The following PFKFB3 variants were observed in gnomAD, a reference collection of about 807,000 sequenced individuals.
PFKFB3 encodes the protein 6-phosphofructo-2-kinase/fructose-2,6-biphosphatase 3.
Under a neutral mutation model 68.0 loss-of-function variants are expected in PFKFB3, and 33 were observed. That is an observed-to-expected ratio of 0.49 (90% CI 0.37 to 0.65). PFKFB3 has a LOEUF of 0.65. Ranked by LOEUF, PFKFB3 falls within the 30% of genes least tolerant of loss-of-function variation. The pLI is 0.00. For missense variants in PFKFB3, 586 were observed against 712.2 expected (o/e 0.82, Z 2.02); for synonymous variants, 315 against 288.2 (o/e 1.09, Z -0.94).
chr10:6,223,008 C>T lies in PFKFB3; in HGVS notation c.1213+24C>T, dbSNP rs375450525. 584 of 1,605,570 alleles carry T rather than the reference C, an allele frequency of 3.6e-4. 2 individuals are homozygous for T. Among genetic ancestry groups the T allele is most frequent in the Non-Finnish European group, 3.4e-4 (399 of 1,175,052 alleles). On this transcript the variant is annotated intron_variant, in intron 11 of 14. Coordinates refer to ENST00000379775, the MANE Select transcript of PFKFB3 (RefSeq NM_004566.4). ...AGGTACCTCGGGCAGGTCGTGGCCC[C>T]GGGATGGAGGGAGGAGGGGACTGGC...
chr10:6,193,434 T>C (rs12269260), intron 1 of PFKFB3, among the ~76,000 whole-genome samples: 2,560 of 152,334 alleles, frequency 0.017, 68 homozygotes, highest in African/African-American at 0.056. Context: ...ATTCATTCAT[T>C]CATTAAGCAA....
the PFKFB3 span, among the ~76,000 whole-genome samples, chr10:6,273,890 C>T: frequency 6.6e-6 from 1 of 152,180 alleles, no homozygotes; most frequent in Non-Finnish European, 1.5e-5. Flanking sequence ...GGACTCCCAC[C>T]TTCCAGAATC....
intron 1 of PFKFB3, among the ~76,000 whole-genome samples, chr10:6,186,266 G>A (rs371051903): frequency 1.3e-5 from 2 of 152,292 alleles, no homozygotes; most frequent in South Asian, 4.1e-4. Context: ...GACCAGCAGT[G>A]GCTTAACTCC....
the PFKFB3 span, among the ~76,000 whole-genome samples, chr10:6,325,812 A>G: frequency 6.6e-6 from 1 of 152,224 alleles, no homozygotes; most frequent in Non-Finnish European, 1.5e-5. Flanking sequence ...TTAGCAGTGT[A>G]TTCTTATAGT....
chr10:6,229,876 A>G lies in PFKFB3; in HGVS notation c.1516-3019A>G, dbSNP rs1845619504. Among the ~76,000 whole-genome samples the G allele has an allele frequency of 6.6e-6, 1 of 152,036 alleles. No homozygotes were observed. The highest frequency in any genetic ancestry group is 1.5e-5 in the Non-Finnish European group (1 of 67,998). ...GTCTGGCATTAGATTCTCTGAAGGGAACGCACAGCCTAGATCCCTCGTGTG... is the reference window on the plus strand; with the variant it reads ...GTCTGGCATTAGATTCTCTGAAGGGGACGCACAGCCTAGATCCCTCGTGTG... On this transcript the variant is annotated intron_variant, in intron 14 of 14. Coordinates refer to ENST00000379775, the MANE Select transcript of PFKFB3 (RefSeq NM_004566.4). This position sits in a 1 kb window ranked among gnomAD's most constrained non-coding sequence, Gnocchi z 4.3.
At chr10:6,158,325 AAGTC>A (rs1841869756) in intron 1 of PFKFB3, among the ~76,000 whole-genome samples, 1 of 151,922 alleles carries the variant, frequency 6.6e-6, no homozygotes, top group African/African-American at 2.4e-5. Flanking sequence ...AATAAAATAA[AAGTC>A]AGGCAGTGTG....
At chr10:6,237,065 C>T (rs985337045), downstream of PFKFB3, among the ~76,000 whole-genome samples, 1 of 152,244 alleles carries the variant, frequency 6.6e-6, no homozygotes, top group Non-Finnish European at 1.5e-5. Context: ...TGCCAACGTG[C>T]ACCCACCGCA....
the PFKFB3 span, among the ~76,000 whole-genome samples, chr10:6,266,988 A>G: frequency 6.6e-6 from 1 of 152,266 alleles, no homozygotes; most frequent in Non-Finnish European, 1.5e-5. Context: ...AGCAGAATTT[A>G]GAGGTGCTAA....
intron 14 of PFKFB3, among the ~76,000 whole-genome samples, chr10:6,253,124 T>C (rs1423090760): frequency 1.3e-5 from 2 of 152,194 alleles, no homozygotes; most frequent in Non-Finnish European, 2.9e-5. Flanking sequence ...TTCACCATCT[T>C]GGCCAGGCTG....
At chr10:6,227,991 C>T (rs139807710) in intron 14 of PFKFB3, among the ~76,000 whole-genome samples, 41 of 152,322 alleles carry the variant, frequency 2.7e-4, no homozygotes, top group Non-Finnish European at 2.4e-4. Context: ...AGACCTCCGT[C>T]GTGGAGGACG....
chr10:6,204,035 G>A (rs575708504), intron 1 of PFKFB3, among the ~76,000 whole-genome samples: 3 of 152,316 alleles, frequency 2.0e-5, no homozygotes, highest in South Asian at 2.1e-4. Context: ...GTTGGTGAGT[G>A]CACGGTTGGC....
At chr10:6,267,593 CT>C in the PFKFB3 span, among the ~76,000 whole-genome samples, 1 of 152,152 alleles carries the variant, frequency 6.6e-6, no homozygotes, top group Non-Finnish European at 1.5e-5. Context: ...CTTTCAGCCC[CT>C]TCTACTCACT....
At chr10:6,315,745 CAA>C in the PFKFB3 span, among the ~76,000 whole-genome samples, 2 of 152,204 alleles carry the variant, frequency 1.3e-5, no homozygotes, top group Non-Finnish European at 2.9e-5. Context: ...CTTGGGCTCC[CAA>C]AGTGTTGGGA....
At chr10:6,292,345 C>T in the PFKFB3 span, among the ~76,000 whole-genome samples, 228 of 115,140 alleles carry the variant, frequency 2.0e-3, 1 homozygote, top group African/African-American at 6.7e-3. Flanking sequence ...AGTGCAGTGG[C>T]GCAATCTCGG....
chr10:6,250,813 G>A (rs1460469226), intron 14 of PFKFB3, among the ~76,000 whole-genome samples: 4 of 152,162 alleles, frequency 2.6e-5, no homozygotes, highest in Non-Finnish European at 5.9e-5. Context: ...TTTAATAAAT[G>A]ACCCAGTCCC....
At chr10:6,171,540 C>G (rs910730455) in intron 1 of PFKFB3, among the ~76,000 whole-genome samples, 4 of 151,904 alleles carry the variant, frequency 2.6e-5, no homozygotes, top group South Asian at 4.2e-4. Context: ...GGACTATAGG[C>G]GTGTGCTGCC....
chr10:6,249,409 A>G (rs975596796), intron 14 of PFKFB3, among the ~76,000 whole-genome samples: 15 of 152,248 alleles, frequency 9.9e-5, no homozygotes, highest in Non-Finnish European at 2.1e-4. Context: ...TCATCACAGC[A>G]CTATTGACAA....
the PFKFB3 span, among the ~76,000 whole-genome samples, chr10:6,269,172 C>T: frequency 9.9e-5 from 15 of 151,344 alleles, no homozygotes; most frequent in South Asian, 6.2e-4. Context: ...CCCTGAATGG[C>T]GATTCTTCAG....
At chr10:6,200,003 C>T (rs771673590), upstream of PFKFB3, among the ~76,000 whole-genome samples, 6 of 151,276 alleles carry the variant, frequency 4.0e-5, no homozygotes, top group Non-Finnish European at 8.8e-5. Context: ...TATCTGCGTC[C>T]GTGTCAAGCA....
Sources: allele counts gnomAD v4.1 joint callset (sites outside exome capture counted in the v4.1 genomes callset), GRCh38; gene constraint gnomAD v4.1.1; non-coding constraint Gnocchi (gnomAD v3.1); transcripts MANE v1.5; gene names NCBI Gene and HGNC (gene_info 2026-07-23, HGNC 2026-07-21).